The following NOX3 variants were observed in gnomAD, a reference collection of about 807,000 sequenced individuals.
The protein encoded by NOX3 is NADPH oxidase 3.
NOX3 carries 74 observed loss-of-function variants against 76.7 expected under a neutral mutation model. That is an observed-to-expected ratio of 0.96 (90% CI 0.80 to 1.17). NOX3 has a LOEUF of 1.17. NOX3 is among the 50% of genes most tolerant of loss of function. NOX3 has a pLI of 0.00. For synonymous variants in NOX3, 263 were observed against 261.1 expected (o/e 1.01, Z -0.07); for missense variants, 695 against 703.3 (o/e 0.99, Z 0.13).
At chr6:155,452,564 G>T (rs976340489) in intron 4 of NOX3, among the ~76,000 whole-genome samples, 1 of 151,952 alleles carries the variant, frequency 6.6e-6, no homozygotes, top group African/African-American at 2.4e-5. Flanking sequence ...GTGTTAATTG[G>T]CACTCGGGCA....
intron 10 of NOX3, among the ~76,000 whole-genome samples, chr6:155,412,290 C>T (rs1776561516): frequency 6.6e-6 from 1 of 152,118 alleles, no homozygotes; most frequent in South Asian, 2.1e-4. Context: ...GTTCTCTTCT[C>T]TCCCTCTCTG....
intron 3 of NOX3, among the ~76,000 whole-genome samples, chr6:155,453,817 T>C (rs966994118): frequency 2.0e-5 from 3 of 152,196 alleles, no homozygotes; most frequent in Admixed American, 6.5e-5. Context: ...GTGTTTTAGG[T>C]AGTCTGAAAA....
chr6:155,395,798 A>C (rs1190472970), intron 13 of NOX3, among the ~76,000 whole-genome samples: 1 of 152,192 alleles, frequency 6.6e-6, no homozygotes, highest in African/African-American at 2.4e-5. Flanking sequence ...CGCAATGGGA[A>C]TTAAAAAAAA....
At chr6:155,416,688 T>C (rs533575731) in intron 10 of NOX3, among the ~76,000 whole-genome samples, 2 of 152,060 alleles carry the variant, frequency 1.3e-5, no homozygotes, top group South Asian at 4.2e-4. Flanking sequence ...TGGGCCTCCG[T>C]TTGGTCTAAT....
intron 4 of NOX3, among the ~76,000 whole-genome samples, chr6:155,448,700 G>A (rs886247727): frequency 6.7e-6 from 1 of 149,620 alleles, no homozygotes; most frequent in Admixed American, 6.7e-5. Flanking sequence ...CCCTGAGAAA[G>A]TTCTTTTACC....
chr6:155,452,862 C>A (rs998715457), intron 4 of NOX3, among the ~76,000 whole-genome samples: 1 of 152,142 alleles, frequency 6.6e-6, no homozygotes, highest in African/African-American at 2.4e-5. Context: ...TTTCTAGTGC[C>A]TTCCTCTTAA....
rs1776549625 is a variant in NOX3 at position 155,411,380 on chromosome 6, G to A, written c.1309-20C>T. The A allele has an allele frequency of 1.2e-6, 2 of 1,609,086 alleles. No individual in the cohort carries two copies. The highest frequency in any genetic ancestry group is 1.7e-6 in the Non-Finnish European group (2 of 1,177,612). ...ATACACCTGTCAAGAGAGAAGGCAA[G>A]TGAACGGATCTATTCTCTTTTCATA... On this transcript the variant is annotated intron_variant, in intron 10 of 13. Transcript: ENST00000159060.
intron 12 of NOX3, among the ~76,000 whole-genome samples, chr6:155,401,888 G>C (rs1000504898): frequency 6.6e-6 from 1 of 151,602 alleles, no homozygotes; most frequent in Non-Finnish European, 1.5e-5. Context: ...TTAACAGATA[G>C]GTCAAAAGTA....
intron 9 of NOX3, among the ~76,000 whole-genome samples, chr6:155,427,260 C>T (rs1484725030): frequency 1.3e-5 from 2 of 152,020 alleles, no homozygotes; most frequent in South Asian, 2.1e-4. Context: ...TGAAAGGAGG[C>T]CTGTGACTCT....
At chr6:155,439,221 T>C (rs1776949286) in intron 6 of NOX3, among the ~76,000 whole-genome samples, 1 of 152,188 alleles carries the variant, frequency 6.6e-6, no homozygotes, top group Non-Finnish European at 1.5e-5. Flanking sequence ...CAATCAGTTT[T>C]TGAAATAATT....
At chr6:155,411,692 G>A (rs1272207441) in intron 10 of NOX3, among the ~76,000 whole-genome samples, 1 of 152,198 alleles carries the variant, frequency 6.6e-6, no homozygotes, top group Non-Finnish European at 1.5e-5. Context: ...GCCTTTCACT[G>A]CTCCCAAAGG....
intron 4 of NOX3, among the ~76,000 whole-genome samples, chr6:155,445,553 G>T (rs6935359): frequency 0.26 from 39,018 of 151,802 alleles, 5,236 homozygotes; most frequent in East Asian, 0.39. Context: ...AATTTTCTAC[G>T]CATGCCTTAC....
At chr6:155,404,129 T>TA (rs67713833) in intron 12 of NOX3, among the ~76,000 whole-genome samples, 3,912 of 91,226 alleles carry the variant, frequency 0.043, 145 homozygotes, top group East Asian at 0.28. Flanking sequence ...ATATATATAT[T>TA]TTTTTTTTCC....
At chr6:155,409,860 G>A (rs1175084990) in intron 11 of NOX3, among the ~76,000 whole-genome samples, 1 of 152,118 alleles carries the variant, frequency 6.6e-6, no homozygotes. Context: ...TAGTAGAGAC[G>A]GGAGGGGGCA....
Position 155,407,114 on chromosome 6 carries a change from C to T in NOX3, c.1580+16G>A. On this transcript the variant is annotated intron_variant, in intron 12 of 13. Transcript: ENST00000159060. ...GAGAAGAGCCTGGCAGGGAGAGGAG[C>T]AAGAGCTTGCCTTACCTGGGGTGAT... is the stretch of plus-strand genomic sequence containing the variant. 2 of 1,613,874 alleles carry T rather than the reference C, an allele frequency of 1.2e-6. No homozygotes were observed. Among genetic ancestry groups the T allele is most frequent in the Non-Finnish European group, 1.7e-6 (2 of 1,179,848 alleles).
intron 6 of NOX3, 48 bp downstream of exon 6, chr6:155,439,908 G>A: frequency 6.5e-7 from 1 of 1,529,582 alleles, no homozygotes; most frequent in South Asian, 1.3e-5. Context: ...GATTATTTTG[G>A]GACTCTCAGA....
intron 4 of NOX3, among the ~76,000 whole-genome samples, chr6:155,448,256 A>C (rs941189751): frequency 6.6e-6 from 1 of 152,164 alleles, no homozygotes; most frequent in African/African-American, 2.4e-5. Context: ...TTATCATCTA[A>C]AAGGGATTTG....
Sources: gnomAD v4.1 joint callset for allele counts (sites outside exome capture counted in the v4.1 genomes callset) on GRCh38, gnomAD v4.1.1 for gene constraint, MANE v1.5 for transcripts, NCBI Gene and HGNC (gene_info 2026-07-23, HGNC 2026-07-21) for gene names.